The following ZNF257 variants were observed in gnomAD, a reference collection of about 807,000 sequenced individuals.
The protein encoded by ZNF257 is zinc finger protein 257.
In ZNF257, 12 loss-of-function variants were observed where a neutral mutation model predicts 11.9. The observed-to-expected ratio is 1.01, with a 90% CI of 0.65 to 1.63. ZNF257 has a LOEUF of 1.63. Ranked by LOEUF, ZNF257 falls within the 40% of genes most tolerant of loss-of-function variation. ZNF257 has a pLI of 0.00. For missense variants in ZNF257, 580 were observed against 665.5 expected, an observed-to-expected ratio of 0.87 and a Z score of 1.41; for synonymous variants, 183 against 222.7, an observed-to-expected ratio of 0.82 and a Z score of 1.59.
intron 3 of ZNF257, among the ~76,000 whole-genome samples, chr19:22,083,011 G>A (rs190567192): frequency 1.3e-5 from 2 of 152,146 alleles, no homozygotes; most frequent in African/African-American, 4.8e-5. Context: ...GTATATTTGT[G>A]GTGTAGGTTT....
chr19:22,052,971 G>C (rs1356912348), intron 1 of ZNF257, among the ~76,000 whole-genome samples: 1 of 152,144 alleles, frequency 6.6e-6, no homozygotes, highest in African/African-American at 2.4e-5. Context: ...GGGGTGCGGG[G>C]TTCATGAATG....
At chr19:22,078,075 TA>T (rs373190118) in intron 3 of ZNF257, among the ~76,000 whole-genome samples, 199 of 142,622 alleles carry the variant, frequency 1.4e-3, no homozygotes, top group Admixed American at 1.6e-3. Context: ...CCGTCTCTAC[TA>T]AAAAAAAAAA....
At chr19:22,083,861 C>T (rs2022411742) in intron 3 of ZNF257, among the ~76,000 whole-genome samples, 4 of 151,978 alleles carry the variant, frequency 2.6e-5, no homozygotes, top group Admixed American at 1.3e-4. Flanking sequence ...GTGATGTGGT[C>T]CGGTGTGGTA....
At chr19:22,067,544 A>G (rs2021985878) in intron 1 of ZNF257, among the ~76,000 whole-genome samples, 1 of 152,188 alleles carries the variant, frequency 6.6e-6, no homozygotes, top group African/African-American at 2.4e-5. Flanking sequence ...AGACATTAAA[A>G]TGAGAGCTCA....
intron 1 of ZNF257, among the ~76,000 whole-genome samples, chr19:22,072,304 C>T (rs574089629): frequency 6.6e-6 from 1 of 152,044 alleles, no homozygotes; most frequent in Non-Finnish European, 1.5e-5. Flanking sequence ...GGTAGCTGCC[C>T]CTCTTTCTTA....
intron 1 of ZNF257, among the ~76,000 whole-genome samples, chr19:22,058,924 A>G (rs150697989): frequency 0.011 from 1,623 of 152,200 alleles, 95 homozygotes; most frequent in Admixed American, 0.081. Context: ...AAAACCCACA[A>G]GTGTCTACAA....
At chr19:22,084,645 T>C (rs1202710005) in intron 3 of ZNF257, among the ~76,000 whole-genome samples, 2 of 151,976 alleles carry the variant, frequency 1.3e-5, no homozygotes, top group East Asian at 1.9e-4. Flanking sequence ...TATCGTTTAA[T>C]TTCTATATAT....
intron 1 of ZNF257, among the ~76,000 whole-genome samples, chr19:22,071,340 T>G (rs1764339798): frequency 6.6e-6 from 1 of 152,174 alleles, no homozygotes; most frequent in South Asian, 2.1e-4. Context: ...CTGCAGGTCT[T>G]GGTCCTGCCA....
At chr19:22,079,425 C>A (rs564193098) in intron 3 of ZNF257, among the ~76,000 whole-genome samples, 7 of 152,132 alleles carry the variant, frequency 4.6e-5, no homozygotes, top group African/African-American at 7.2e-5. Context: ...ATACCCAAGA[C>A]TGGGTAATTT....
chr19:22,068,662 A>G (rs8108651), intron 1 of ZNF257, among the ~76,000 whole-genome samples: 35,959 of 152,032 alleles, frequency 0.24, 5,821 homozygotes, highest in African/African-American at 0.46. Context: ...TCTGATAGCA[A>G]CATCTTAGGA....
At chr19:22,073,790 T>C (rs2022165169) in intron 3 of ZNF257, among the ~76,000 whole-genome samples, 1 of 152,174 alleles carries the variant, frequency 6.6e-6, no homozygotes, top group African/African-American at 2.4e-5. Flanking sequence ...TCATTTTCCT[T>C]CAAGTTTACA....
chr19:22,061,652 C>T (rs574603591), intron 1 of ZNF257, among the ~76,000 whole-genome samples: 5 of 150,736 alleles, frequency 3.3e-5, no homozygotes, highest in Non-Finnish European at 5.9e-5. Context: ...ATTGCTGTGG[C>T]TAGGACTTCC....
rs544231358 is a variant in ZNF257 at position 22,090,374 on chromosome 19, G to T, written c.*932G>T. On this transcript the variant is annotated 3_prime_UTR_variant, in exon 4 of 4. Coordinates refer to ENST00000594947, the MANE Select transcript of ZNF257 (RefSeq NM_033468.4). The stretch of plus-strand genomic sequence containing the variant: ...GAAGCAGTTGCTAAAATTTTGTTCA[G>T]CATTAGGAAATTTATGTTGGAGAAG... The T allele has an allele frequency of 6.6e-6, 1 of 152,174 alleles. No individual in the cohort carries two copies. The highest frequency in any genetic ancestry group is 2.4e-5 in the African/African-American group (1 of 41,516). 9.4% of individuals were successfully genotyped at this position (152,174 alleles called of 1,614,324 possible). A position where few individuals can be genotyped will look rare whatever the true frequency, so the allele number is the denominator to read the frequency against.
intron 1 of ZNF257, among the ~76,000 whole-genome samples, chr19:22,061,541 G>A (rs1270061910): frequency 1.3e-5 from 2 of 151,340 alleles, no homozygotes; most frequent in South Asian, 2.1e-4. Context: ...TTTCTGTCAC[G>A]ACTATAGTCT....
chr19:22,057,511 GT>G (rs200725904), intron 1 of ZNF257, among the ~76,000 whole-genome samples: 1 of 151,430 alleles, frequency 6.6e-6, no homozygotes, highest in Admixed American at 6.6e-5. Context: ...AATAGAAGGG[GT>G]CTCAGAAGGT....
chr19:22,070,333 A>G (rs1038789206), intron 1 of ZNF257, among the ~76,000 whole-genome samples: 1 of 149,706 alleles, frequency 6.7e-6, no homozygotes, highest in Admixed American at 6.7e-5. Context: ...TATTCTATAC[A>G]TTTTATAAAA....
intron 1 of ZNF257, among the ~76,000 whole-genome samples, chr19:22,067,391 A>G (rs1293104933): frequency 2.6e-5 from 4 of 152,134 alleles, no homozygotes; most frequent in African/African-American, 9.7e-5. Context: ...GTCCACAAAT[A>G]TGCAGGTAAC....
rs61426953 is a variant in ZNF257, at chr19:22,053,366, CA to C, written c.3+759del. On this transcript the variant is annotated intron_variant, in intron 1 of 3. Transcript: ENST00000594947. Reference sequence around the variant, plus strand: ...CTGAAGACAGAGCGAGACTCCGTCTCAAAAAAAAAAAAAAAAAAAAAAAAAA... The same window carrying C: ...CTGAAGACAGAGCGAGACTCCGTCTCAAAAAAAAAAAAAAAAAAAAAAAAA... Among the ~76,000 whole-genome samples the C allele has an allele frequency of 9.0e-3, 684 of 76,408 alleles. 1 individual carries two copies. The highest frequency in any genetic ancestry group is 0.019 in the East Asian group (35 of 1,890). 50.1% of individuals were successfully genotyped at this position (76,408 alleles called of 152,430 possible).
At chr19:22,059,669 G>GT (rs1568480068) in intron 1 of ZNF257, among the ~76,000 whole-genome samples, 2 of 145,262 alleles carry the variant, frequency 1.4e-5, no homozygotes, top group African/African-American at 5.1e-5. Context: ...TAATGGCCAC[G>GT]TAGTATTCCA....
Sources: gnomAD v4.1 joint callset for allele counts (sites outside exome capture counted in the v4.1 genomes callset) on GRCh38, gnomAD v4.1.1 for gene constraint, MANE v1.5 for transcripts, NCBI Gene and HGNC (gene_info 2026-07-23, HGNC 2026-07-21) for gene names.